The following CPA6 variants were observed in gnomAD, a reference collection of about 807,000 sequenced individuals.
CPA6 encodes carboxypeptidase A6.
CPA6 carries 58 observed loss-of-function variants against 63.3 expected under a neutral mutation model. The observed-to-expected ratio is 0.92, with a 90% CI of 0.74 to 1.14. The LOEUF (loss-of-function observed/expected upper bound fraction) is 1.14, where lower values mean the gene tolerates loss of function less well. CPA6 is among the 50% of genes most tolerant of loss of function. CPA6 has a pLI of 0.00. For missense variants in CPA6, 565 were observed against 526.6 expected (o/e 1.07, Z -0.71); for synonymous variants, 185 against 179.0 (o/e 1.03, Z -0.27).
intron 2 of CPA6, among the ~76,000 whole-genome samples, chr8:67,552,124 G>A (rs1027735224): frequency 3.0e-4 from 46 of 152,168 alleles, no homozygotes; most frequent in African/African-American, 1.1e-3. Flanking sequence ...AACAAACATC[G>A]TCATGGAGTT....
intron 2 of CPA6, among the ~76,000 whole-genome samples, chr8:67,520,886 A>C (rs6472314): frequency 0.13 from 19,403 of 152,170 alleles, 3,365 homozygotes; most frequent in African/African-American, 0.4. Flanking sequence ...GTATTTGGGG[A>C]GGTCTGGTCA....
At chr8:67,494,149 A>T (rs1314668875) in intron 6 of CPA6, among the ~76,000 whole-genome samples, 1 of 152,096 alleles carries the variant, frequency 6.6e-6, no homozygotes, top group African/African-American at 2.4e-5. Context: ...TCAGGTATAT[A>T]TCTATATAAC....
At chr8:67,585,681 C>T (rs934341163) in intron 2 of CPA6, among the ~76,000 whole-genome samples, 3 of 151,922 alleles carry the variant, frequency 2.0e-5, no homozygotes, top group African/African-American at 7.3e-5. Flanking sequence ...GTGTTTTTCT[C>T]GTGTAAAGGA....
intron 8 of CPA6, among the ~76,000 whole-genome samples, chr8:67,464,794 G>A (rs984761142): frequency 2.6e-5 from 4 of 152,116 alleles, no homozygotes; most frequent in Non-Finnish European, 4.4e-5. Context: ...TATTTCTGTC[G>A]ACTTTGTTGA....
intron 1 of CPA6, among the ~76,000 whole-genome samples, chr8:67,672,806 C>T (rs1420959013): frequency 6.6e-6 from 1 of 152,164 alleles, no homozygotes; most frequent in African/African-American, 2.4e-5. Flanking sequence ...GGATGAAATG[C>T]CAAATCAGAG....
intron 2 of CPA6, among the ~76,000 whole-genome samples, chr8:67,592,490 G>T (rs921503701): frequency 1.3e-5 from 2 of 151,804 alleles, no homozygotes; most frequent in African/African-American, 4.8e-5. Context: ...ACCTCTGGTA[G>T]AATTCGGCTG....
chr8:67,519,194 T>C (rs1370968777), intron 2 of CPA6, among the ~76,000 whole-genome samples: 1 of 152,234 alleles, frequency 6.6e-6, no homozygotes, highest in Non-Finnish European at 1.5e-5. Flanking sequence ...CCCCAGTGCC[T>C]TAGCCAGTGC....
chr8:67,715,425 T>C (rs1343577858), intron 1 of CPA6, among the ~76,000 whole-genome samples: 1 of 152,216 alleles, frequency 6.6e-6, no homozygotes, highest in Non-Finnish European at 1.5e-5. Context: ...ATGTTTGAAG[T>C]GAATAAAAGG....
chr8:67,727,520 G>T (rs546494574), intron 1 of CPA6, among the ~76,000 whole-genome samples: 70 of 152,266 alleles, frequency 4.6e-4, no homozygotes, highest in African/African-American at 1.6e-3. Context: ...CAAAAGAAGT[G>T]CAATTGTCTT....
At chr8:67,695,897 T>C (rs752686466) in intron 1 of CPA6, among the ~76,000 whole-genome samples, 7 of 152,180 alleles carry the variant, frequency 4.6e-5, no homozygotes, top group Non-Finnish European at 7.4e-5. Context: ...AAATATTTGC[T>C]TCCTCTTCCC....
intron 2 of CPA6, among the ~76,000 whole-genome samples, chr8:67,557,401 C>A (rs1427450961): frequency 6.6e-6 from 1 of 152,176 alleles, no homozygotes; most frequent in Non-Finnish European, 1.5e-5. Flanking sequence ...GAAAGTGATT[C>A]ATGCAGCTTC....
At chr8:67,674,258 G>A (rs547485049) in intron 1 of CPA6, among the ~76,000 whole-genome samples, 1 of 152,200 alleles carries the variant, frequency 6.6e-6, no homozygotes, top group Admixed American at 6.5e-5. Flanking sequence ...GACTACCTGA[G>A]CATTTGTGAG....
intron 8 of CPA6, among the ~76,000 whole-genome samples, chr8:67,451,393 A>C (rs1810554968): frequency 6.6e-6 from 1 of 152,158 alleles, no homozygotes; most frequent in Non-Finnish European, 1.5e-5. Context: ...CCTTATGAGA[A>C]TCTAATGCCT....
intron 8 of CPA6, among the ~76,000 whole-genome samples, chr8:67,470,203 T>C (rs1811026672): frequency 6.6e-6 from 1 of 152,086 alleles, no homozygotes; most frequent in Non-Finnish European, 1.5e-5. Context: ...CTAATTTTTG[T>C]ACTTTTAGTA....
intron 2 of CPA6, among the ~76,000 whole-genome samples, chr8:67,547,204 G>A (rs898931344): frequency 2.6e-5 from 4 of 151,858 alleles, no homozygotes; most frequent in Admixed American, 6.6e-5. Flanking sequence ...CCGCCACCAC[G>A]CCCGGCTAAA....
chr8:67,485,488 A>C (rs1441780860), intron 6 of CPA6, among the ~76,000 whole-genome samples: 2 of 152,138 alleles, frequency 1.3e-5, no homozygotes, highest in Non-Finnish European at 2.9e-5. Flanking sequence ...TATGTAAGTG[A>C]GATATGTTAA....
At chr8:67,595,293 C>G (rs561261282) in intron 2 of CPA6, among the ~76,000 whole-genome samples, 3,416 of 152,208 alleles carry the variant, frequency 0.022, 67 homozygotes, top group African/African-American at 0.051. Context: ...TGCCCCTGCT[C>G]GGGGGTGCCT....
chr8:67,728,533 G>C (rs1198543084), intron 1 of CPA6, among the ~76,000 whole-genome samples: 1 of 152,142 alleles, frequency 6.6e-6, no homozygotes, highest in Non-Finnish European at 1.5e-5. Flanking sequence ...CCCAAGTTTT[G>C]ATAGACTAAA....
At chr8:67,531,868 T>A (rs561133126) in intron 2 of CPA6, among the ~76,000 whole-genome samples, 1 of 152,300 alleles carries the variant, frequency 6.6e-6, no homozygotes, top group African/African-American at 2.4e-5. Flanking sequence ...GATCTCTGAT[T>A]ACAATGTAAT....
Sources: gnomAD v4.1 joint callset for allele counts (sites outside exome capture counted in the v4.1 genomes callset) on GRCh38, gnomAD v4.1.1 for gene constraint, MANE v1.5 for transcripts, NCBI Gene and HGNC (gene_info 2026-07-23, HGNC 2026-07-21) for gene names.